Variants in CAMSAP2 observed in about 807,000 individuals in gnomAD.
CAMSAP2 encodes calmodulin-regulated spectrin-associated protein 2.
CAMSAP2 carries 26 observed loss-of-function variants against 146.1 expected under a neutral mutation model. The observed-to-expected ratio is 0.18, with a 90% CI of 0.13 to 0.25. CAMSAP2 has a LOEUF of 0.25. Ranked by LOEUF, CAMSAP2 falls within the 10% of genes least tolerant of loss-of-function variation. CAMSAP2 has a pLI of 1.00. For synonymous variants in CAMSAP2, 499 were observed against 596.6 expected (o/e 0.84, Z 2.38); for missense variants, 1,381 against 1,759.3 (o/e 0.78, Z 3.85).
intron 2 of CAMSAP2, among the ~76,000 whole-genome samples, chr1:200,787,294 C>T (rs1665621284): frequency 6.6e-6 from 1 of 152,154 alleles, no homozygotes; most frequent in Non-Finnish European, 1.5e-5. Flanking sequence ...ATTTACCAAT[C>T]TAGATGCCAT....
chr1:200,854,848 G>A lies in CAMSAP2; in HGVS notation c.3855G>A (p.Thr1285=), dbSNP rs934733713. The A allele has an allele frequency of 3.7e-6, 6 of 1,611,632 alleles. No homozygotes were observed. The highest frequency in any genetic ancestry group is 2.2e-5 in the East Asian group (1 of 44,792). Residue 1285 remains threonine (T), a synonymous_variant, in exon 14 of 17, where the codon ACG becomes ACA. Coordinates refer to ENST00000358823, the MANE Select transcript of CAMSAP2 (RefSeq NM_203459.4). ...VSSLSLASLN[T]GDNESVHSGK... is the part of the protein sequence containing the mutation. ...GCCTTTCTTTGGCATCGCTGAACACGGGTGATAACGAGAGTGTACATTCAG... is the reference window on the plus strand; with the variant it reads ...GCCTTTCTTTGGCATCGCTGAACACAGGTGATAACGAGAGTGTACATTCAG...
chr1:200,797,021 T>C (rs1424206720), intron 2 of CAMSAP2, among the ~76,000 whole-genome samples: 4 of 152,252 alleles, frequency 2.6e-5, no homozygotes, highest in African/African-American at 4.8e-5. Flanking sequence ...TATGGCTGCA[T>C]AGTATTCCAT....
chr1:200,827,372 A>G (rs1666931206), intron 4 of CAMSAP2, among the ~76,000 whole-genome samples: 1 of 152,260 alleles, frequency 6.6e-6, no homozygotes, highest in Admixed American at 6.5e-5. Context: ...CTTCTAGTCT[A>G]GAAAACAAAA....
At chr1:200,822,330 TC>T (rs1457838225) in intron 4 of CAMSAP2, among the ~76,000 whole-genome samples, 1 of 152,218 alleles carries the variant, frequency 6.6e-6, no homozygotes, top group Admixed American at 6.5e-5. Context: ...TCATTTATGT[TC>T]CCATTTTATC....
In CAMSAP2 at chr1:200,847,125, A is replaced by G. The variant is rs1667477545; in HGVS notation, c.1110-85A>G. 52 of 877,626 alleles carry G rather than the reference A, an allele frequency of 5.9e-5. No individual in the cohort carries two copies. In the South Asian group the frequency reaches 8.0e-4, roughly 13 times the overall value. The allele number at this position is 877,626 out of a possible 1,614,324, so 54.4% of individuals were successfully genotyped here. ...TTTAGGTTGTAGAATGAGAGGTGGT[A>G]GTGTTGTTTCTAACTTAAGACATTC... is the stretch of plus-strand genomic sequence containing the variant. On this transcript the variant is annotated intron_variant, in intron 8 of 16. Transcript: ENST00000358823.
rs1351687126 is a variant in CAMSAP2 at position 200,853,094 on chromosome 1, A to T, written c.3603-181A>T. On this transcript the variant is annotated intron_variant, in intron 12 of 16. Transcript: ENST00000358823. The surrounding 1 kb of genome is among the most constrained non-coding windows in gnomAD (Gnocchi z 5.1). The stretch of plus-strand genomic sequence containing the variant: ...TATTTGACTCTTCCTTCCCTCCTTT[A>T]TTTACTTATTTATGCTTAATCCCAT... Among the ~76,000 whole-genome samples the T allele has an allele frequency of 5.3e-5, 8 of 151,448 alleles. No individual in the cohort carries two copies. Among genetic ancestry groups the T allele is most frequent in the African/African-American group, 1.9e-4 (8 of 41,180 alleles).
intron 2 of CAMSAP2, among the ~76,000 whole-genome samples, chr1:200,767,865 C>T (rs1212536258): frequency 6.6e-6 from 1 of 152,150 alleles, no homozygotes; most frequent in East Asian, 1.9e-4. Flanking sequence ...ACCTCTGTTA[C>T]AAATTCACAA....
At chr1:200,807,275 T>C (rs888613343) in intron 2 of CAMSAP2, 101 bp from the exon 3 acceptor site, 2 of 886,754 alleles carry the variant, frequency 2.3e-6, no homozygotes, top group Admixed American at 7.0e-5. Context: ...TCTGTAGTTA[T>C]TCTGCTGCTT....
intron 4 of CAMSAP2, among the ~76,000 whole-genome samples, chr1:200,825,485 C>G (rs952740949): frequency 6.6e-6 from 1 of 151,232 alleles, no homozygotes; most frequent in Non-Finnish European, 1.5e-5. Context: ...CCCTAGAGAT[C>G]ATTCTTTCTT....
intron 4 of CAMSAP2, among the ~76,000 whole-genome samples, chr1:200,817,189 C>CACACAT (rs1437563207): frequency 8.9e-6 from 1 of 112,048 alleles, no homozygotes; most frequent in Non-Finnish European, 1.9e-5. Flanking sequence ...CACACACACA[C>CACACAT]ATGTGTGTGT....
At chr1:200,807,700 A>G (rs1666216738) in intron 3 of CAMSAP2, among the ~76,000 whole-genome samples, 163 bp downstream of exon 3, 1 of 152,114 alleles carries the variant, frequency 6.6e-6, no homozygotes. Flanking sequence ...AAAATGATGA[A>G]AATAGTTTTC....
intron 1 of CAMSAP2, among the ~76,000 whole-genome samples, chr1:200,749,458 A>G (rs188290078): frequency 7.3e-4 from 111 of 152,274 alleles, no homozygotes; most frequent in African/African-American, 2.5e-3. Flanking sequence ...AGTGTCATGC[A>G]TATTTACTCT....
At chr1:200,843,747 A>G (rs1667385551) in intron 7 of CAMSAP2, among the ~76,000 whole-genome samples, 1 of 152,210 alleles carries the variant, frequency 6.6e-6, no homozygotes, top group Non-Finnish European at 1.5e-5. Context: ...ATTGACCAAA[A>G]TACCAGCTGT....
rs35253872 is a variant in CAMSAP2 at position 200,857,846 on chromosome 1, T to G, written c.4224T>G (p.Thr1408=). 354 of 1,613,774 alleles carry G rather than the reference T, an allele frequency of 2.2e-4. 3 individuals carry two copies. The African/African-American group carries it at 4.3e-3, about 20-fold the overall frequency. The change falls in exon 17 of 17, where the codon ACT becomes ACG. Residue 1408 remains threonine (T), a synonymous_variant. Coordinates refer to ENST00000358823, the MANE Select transcript of CAMSAP2 (RefSeq NM_203459.4). The surrounding 1 kb of genome is among the most constrained non-coding windows in gnomAD (Gnocchi z 4.7). ...CTTTATACACTTATTGCCCAGAAAC[T>G]GAAGAAATCAATAAACTGACTGGGA... ...FRSLYTYCPE[T]EEINKLTGIG...
intron 1 of CAMSAP2, among the ~76,000 whole-genome samples, chr1:200,747,986 CAA>C (rs901478330): frequency 4.4e-5 from 3 of 68,770 alleles, no homozygotes; most frequent in Admixed American, 1.4e-4. Flanking sequence ...GACTCCGTCT[CAA>C]AAAAAAAAAA....
chr1:200,801,042 G>T (rs1310674051), intron 2 of CAMSAP2, among the ~76,000 whole-genome samples: 5 of 152,156 alleles, frequency 3.3e-5, no homozygotes, highest in East Asian at 1.9e-4. Flanking sequence ...AAGACGGGCG[G>T]ATCACAGGGT....
Position 200,832,072 on chromosome 1 carries a change from A to G in CAMSAP2, c.646-128A>G. On this transcript the variant is annotated intron_variant, in intron 4 of 16. Coordinates refer to ENST00000358823, the MANE Select transcript of CAMSAP2 (RefSeq NM_203459.4). The surrounding 1 kb of genome is among the most constrained non-coding windows in gnomAD (Gnocchi z 4.2). ...CCTAGCGTTATTTAGAAAAAAAGAA[A>G]TATTGGTGAGTGGTCTCATTTCTCA... 1.4e-6 allele frequency: 1 copy of G among 723,762 alleles called. No individual in the cohort carries two copies. Among genetic ancestry groups the G allele is most frequent in the African/African-American group, 1.8e-5 (1 of 55,498 alleles). The allele number at this position is 723,762 out of a possible 1,614,324, so 44.8% of individuals were successfully genotyped here.
In CAMSAP2 at chr1:200,857,672, A is replaced by C; in HGVS notation, c.4132-82A>C. The C allele has an allele frequency of 8.3e-7, 1 of 1,202,612 alleles. No individual in the cohort carries two copies. Among genetic ancestry groups the C allele is most frequent in the Non-Finnish European group, 1.2e-6 (1 of 860,366 alleles). The allele number at this position is 1,202,612 out of a possible 1,614,324, so 74.5% of individuals were successfully genotyped here. A position where few individuals can be genotyped will look rare whatever the true frequency, so the allele number is the denominator to read the frequency against. ...GTTATAAAATGTGACTAAGAAACGT[A>C]ACATAATTATATAAACTTTATTCAG... On this transcript the variant is annotated intron_variant, in intron 16 of 16. Coordinates refer to ENST00000358823, the MANE Select transcript of CAMSAP2 (RefSeq NM_203459.4). This position sits in a 1 kb window ranked among gnomAD's most constrained non-coding sequence, Gnocchi z 4.7.
intron 3 of CAMSAP2, among the ~76,000 whole-genome samples, chr1:200,813,136 C>T (rs1210933133): frequency 3.9e-5 from 6 of 152,214 alleles, no homozygotes; most frequent in African/African-American, 1.4e-4. Context: ...AAGGTGCCAG[C>T]AGATTCAGTT....
Sources: allele counts gnomAD v4.1 joint callset (sites outside exome capture counted in the v4.1 genomes callset), GRCh38; gene constraint gnomAD v4.1.1; non-coding constraint Gnocchi (gnomAD v3.1); transcripts MANE v1.5; gene names NCBI Gene and HGNC (gene_info 2026-07-23, HGNC 2026-07-21).